The following FBLIM1 variants were observed in gnomAD, a reference collection of about 807,000 sequenced individuals.
FBLIM1 encodes the protein filamin binding LIM protein 1, also known as filamin-binding LIM protein 1.
Under a neutral mutation model 37.4 loss-of-function variants are expected in FBLIM1, and 29 were observed. The ratio of observed to expected loss-of-function variants is 0.77; its 90% CI spans 0.58 to 1.06. The LOEUF is 1.06. FBLIM1 is among the 50% of genes least tolerant of loss of function. The pLI, the probability that FBLIM1 is intolerant of heterozygous loss-of-function variation, is 0.00. For missense variants in FBLIM1, 449 were observed against 505.6 expected (o/e 0.89, Z 1.07); for synonymous variants, 193 against 199.0 (o/e 0.97, Z 0.25).
intron 1 of FBLIM1, among the ~76,000 whole-genome samples, chr1:15,763,624 A>G (rs1225543347): frequency 1.3e-5 from 2 of 151,594 alleles, no homozygotes; most frequent in African/African-American, 2.4e-5. Context: ...CAACAGAGCA[A>G]GATTCCGTCT....
intron 4 of FBLIM1, 110 bp downstream of exon 4, chr1:15,767,673 G>A (rs2068994556): frequency 2.0e-6 from 1 of 512,698 alleles, no homozygotes; most frequent in Non-Finnish European, 3.5e-6. Context: ...TTTGTCTGGT[G>A]CATTCTTCTG....
intron 5 of FBLIM1, among the ~76,000 whole-genome samples, chr1:15,768,849 T>G (rs371270672): frequency 2.0e-5 from 3 of 152,256 alleles, no homozygotes. Flanking sequence ...TGCAGTTTGC[T>G]ATGATAGCAA....
At chr1:15,759,136 G>A (rs551066805) in intron 1 of FBLIM1, among the ~76,000 whole-genome samples, 34 of 152,242 alleles carry the variant, frequency 2.2e-4, no homozygotes, top group South Asian at 1.5e-3. Flanking sequence ...CCGGGGACCC[G>A]GCGCGCAGGG....
upstream of FBLIM1, among the ~76,000 whole-genome samples, chr1:15,757,097 T>C (rs2068459408): frequency 2.0e-5 from 3 of 152,090 alleles, no homozygotes; most frequent in Non-Finnish European, 4.4e-5. This position sits in a 1 kb window ranked among gnomAD's most constrained non-coding sequence, Gnocchi z 4.1. Context: ...GCTGGAGTTT[T>C]GGGGGGCAGG....
At chr1:15,766,588 C>T (rs2068934971) in intron 3 of FBLIM1, among the ~76,000 whole-genome samples, 1 of 151,502 alleles carries the variant, frequency 6.6e-6, no homozygotes, top group South Asian at 2.1e-4. Flanking sequence ...TGAGCCACCG[C>T]GCCCAGCCTA....
At chr1:15,777,982 C>T (rs2069542989) in intron 8 of FBLIM1, among the ~76,000 whole-genome samples, 1 of 152,064 alleles carries the variant, frequency 6.6e-6, no homozygotes, top group African/African-American at 2.4e-5. Flanking sequence ...CATAGGTGGC[C>T]CAGGTTTGCA....
Position 15,765,757 on chromosome 1 carries a change from C to G in FBLIM1, c.250+524C>G, listed in dbSNP as rs1164277466. On this transcript the variant is annotated intron_variant, in intron 3 of 8. Coordinates refer to ENST00000375766, the MANE Select transcript of FBLIM1 (RefSeq NM_017556.4). This position sits in a 1 kb window ranked among gnomAD's most constrained non-coding sequence, Gnocchi z 5.9. The stretch of plus-strand genomic sequence containing the variant: ...GCCATCTGCTTAGTACTTGTCCTCT[C>G]AGAGTCATCCTCGAGCGGGTCCAGG... Among the ~76,000 whole-genome samples the G allele has an allele frequency of 6.6e-6, 1 of 152,190 alleles. No individual in the cohort carries two copies. Among genetic ancestry groups the G allele is most frequent in the Non-Finnish European group, 1.5e-5 (1 of 68,030 alleles).
intron 3 of FBLIM1, among the ~76,000 whole-genome samples, 179 bp from the exon 4 acceptor site, chr1:15,767,197 A>T (rs371342279): frequency 3.2e-4 from 49 of 152,040 alleles, no homozygotes; most frequent in Admixed American, 7.9e-4. Context: ...CTGGCCTGAG[A>T]TTAAGTTTCT....
chr1:15,784,432 T>C (rs1365315346), intron 8 of FBLIM1, 116 bp from the exon 9 acceptor site: 1 of 757,824 alleles, frequency 1.3e-6, no homozygotes, highest in African/African-American at 1.7e-5. Context: ...TCCTCCCACT[T>C]AGGAAGGGCA....
chr1:15,786,363 G>A lies in FBLIM1; in HGVS notation c.*1702G>A, dbSNP rs1231277287. Reference sequence around the variant, plus strand: ...CCCAGACCACAGCGTCTTGCCCTGAGCCTAGAGCAGGGAGTCCCGAACTTC... The same window carrying A: ...CCCAGACCACAGCGTCTTGCCCTGAACCTAGAGCAGGGAGTCCCGAACTTC... On this transcript the variant is annotated 3_prime_UTR_variant, in exon 9 of 9. Transcript: ENST00000375766. 1 of 152,180 alleles carries A rather than the reference G, an allele frequency of 6.6e-6. No individual in the cohort carries two copies. Among genetic ancestry groups the A allele is most frequent in the Non-Finnish European group, 1.5e-5 (1 of 68,062 alleles). 9.4% of individuals were successfully genotyped at this position (152,180 alleles called of 1,614,324 possible).
rs528631186 is a variant in FBLIM1, at chr1:15,770,265, T to G, written c.542-144T>G. ...CCTGACTCAGATTCCTTTTTAATGC[T>G]CCTCATGACCCTCTGTATTTGTCAT... On this transcript the variant is annotated intron_variant, in intron 5 of 8. Coordinates refer to ENST00000375766, the MANE Select transcript of FBLIM1 (RefSeq NM_017556.4). The G allele has an allele frequency of 7.2e-6, 6 of 829,432 alleles. No homozygotes were observed. In the African/African-American group the frequency reaches 1.0e-4, roughly 14 times the overall value. The allele number at this position is 829,432 out of a possible 1,614,324, so 51.4% of individuals were successfully genotyped here.
At position 15,765,245 on chromosome 1, in the gene FBLIM1, G is replaced by A. The variant is rs1321791175; in HGVS notation, c.250+12G>A. On this transcript the variant is annotated intron_variant, in intron 3 of 8. Transcript: ENST00000375766. The surrounding 1 kb of genome is among the most constrained non-coding windows in gnomAD (Gnocchi z 5.9). ...GCTCTTCAATGGAGGTAAGAGCTGA[G>A]GGGACTTTGGGGAAGACCACGTCAG... 1.9e-6 allele frequency: 3 copies of A among 1,594,898 alleles called. No homozygotes were observed. The highest frequency in any genetic ancestry group is 2.3e-5 in the East Asian group (1 of 44,410).
At chr1:15,764,724 G>C (rs1170095707) in intron 2 of FBLIM1, 39 bp downstream of exon 2, 1 of 530,268 alleles carries the variant, frequency 1.9e-6, no homozygotes, top group East Asian at 3.2e-5. Flanking sequence ...GTGCAGGTTC[G>C]GGGGAGGGGC....
In FBLIM1 at chr1:15,765,897, G is replaced by C. The variant is rs2068892571; in HGVS notation, c.250+664G>C. ...CACCGGGAGGCAGGCACTGGGAGAG[G>C]CCACAGCACTCTTACTGCCTCTCCA... On this transcript the variant is annotated intron_variant, in intron 3 of 8. Transcript: ENST00000375766. This position sits in a 1 kb window ranked among gnomAD's most constrained non-coding sequence, Gnocchi z 5.9. 6.6e-6 allele frequency among the ~76,000 whole-genome samples: 1 copy of C among 152,150 alleles called. No individual in the cohort carries two copies. Among genetic ancestry groups the C allele is most frequent in the Non-Finnish European group, 1.5e-5 (1 of 68,034 alleles).
At chr1:15,767,642 T>G in intron 4 of FBLIM1, 79 bp downstream of exon 4, 1 of 545,710 alleles carries the variant, frequency 1.8e-6, no homozygotes, top group Non-Finnish European at 3.2e-6. Flanking sequence ...TTCTGGGCAT[T>G]CAGGGGTTCT....
At chr1:15,775,166 G>C (rs547802196) in intron 7 of FBLIM1, 1 of 285,552 alleles carries the variant, frequency 3.5e-6, no homozygotes, top group South Asian at 5.7e-5. Context: ...CTTGCAGTGA[G>C]CCGAGATCAC....
upstream of FBLIM1, among the ~76,000 whole-genome samples, chr1:15,756,944 C>T (rs1309610454): frequency 6.6e-6 from 1 of 152,192 alleles, no homozygotes; most frequent in Admixed American, 6.5e-5. Context: ...CTTAAATAAA[C>T]TTCTGGGTCA....
Position 15,765,250 on chromosome 1 carries a change from C to A in FBLIM1, c.250+17C>A. The stretch of plus-strand genomic sequence containing the variant: ...TCAATGGAGGTAAGAGCTGAGGGGA[C>A]TTTGGGGAAGACCACGTCAGAGGCA... On this transcript the variant is annotated intron_variant, in intron 3 of 8. Transcript: ENST00000375766. The surrounding 1 kb of genome is among the most constrained non-coding windows in gnomAD (Gnocchi z 5.9). 6.3e-7 allele frequency: 1 copy of A among 1,593,194 alleles called. No homozygotes were observed. Among genetic ancestry groups the A allele is most frequent in the Non-Finnish European group, 8.6e-7 (1 of 1,165,984 alleles).
intron 1 of FBLIM1, among the ~76,000 whole-genome samples, chr1:15,762,992 C>G (rs185480664): frequency 2.0e-5 from 3 of 151,930 alleles, no homozygotes; most frequent in Non-Finnish European, 2.9e-5. Context: ...ATAGGAAGGG[C>G]GAGTGGTCCA....
Sources: gnomAD v4.1 joint callset for allele counts (sites outside exome capture counted in the v4.1 genomes callset) on GRCh38, gnomAD v4.1.1 for gene constraint, Gnocchi (gnomAD v3.1) non-coding constraint, MANE v1.5 for transcripts, NCBI Gene and HGNC (gene_info 2026-07-23, HGNC 2026-07-21) for gene names.